The following IGBP1C variants were observed in gnomAD, a reference collection of about 807,000 sequenced individuals.
IGBP1C encodes immunoglobulin-binding protein 1 family member C.
chr17:58,678,485 C>T, the IGBP1C span, among the ~76,000 whole-genome samples: 3 of 152,084 alleles, frequency 2.0e-5, no homozygotes, highest in Admixed American at 2.0e-4. Flanking sequence ...CCACGGAACA[C>T]TATGCAGCCA....
chr17:58,684,176 C>T, the IGBP1C span, among the ~76,000 whole-genome samples: 1 of 150,998 alleles, frequency 6.6e-6, no homozygotes, highest in Non-Finnish European at 1.5e-5. Context: ...AAAATGCTTC[C>T]GCCCGGCATG....
the IGBP1C span, among the ~76,000 whole-genome samples, chr17:58,672,027 G>T: frequency 6.6e-6 from 1 of 152,070 alleles, no homozygotes; most frequent in African/African-American, 2.4e-5. Flanking sequence ...CAGGGGGTGG[G>T]TGGGAATGGT....
chr17:58,682,463 G>T, the IGBP1C span, among the ~76,000 whole-genome samples: 3 of 151,684 alleles, frequency 2.0e-5, no homozygotes, highest in African/African-American at 7.3e-5. Context: ...TTGCCATGTT[G>T]GCGAGGCTGG....
the IGBP1C span, chr17:58,660,938 C>A: frequency 9.9e-7 from 1 of 1,010,500 alleles, no homozygotes; most frequent in South Asian, 1.3e-5. Context: ...GTCTTTCTCT[C>A]CCAGGATCTT....
At chr17:58,669,253 G>C in the IGBP1C span, among the ~76,000 whole-genome samples, 1 of 151,966 alleles carries the variant, frequency 6.6e-6, no homozygotes, top group Non-Finnish European at 1.5e-5. Context: ...TCAGGAGGCT[G>C]AGGCAGAAGA....
At chr17:58,689,151 A>G in the IGBP1C span, among the ~76,000 whole-genome samples, 1 of 151,836 alleles carries the variant, frequency 6.6e-6, no homozygotes, top group African/African-American at 2.4e-5. Flanking sequence ...AGGATAGTCT[A>G]TCTCCTGATC....
At chr17:58,665,784 G>A in the IGBP1C span, among the ~76,000 whole-genome samples, 6 of 151,914 alleles carry the variant, frequency 3.9e-5, no homozygotes, top group Admixed American at 6.6e-5. Context: ...GGTGGCTCAC[G>A]CCTATAATCC....
the IGBP1C span, chr17:58,661,383 TCTC>T: frequency 9.1e-5 from 83 of 913,278 alleles, no homozygotes; most frequent in Middle Eastern, 2.1e-4. Flanking sequence ...GTGGAAGTAA[TCTC>T]CTCCAAATCT....
the IGBP1C span, among the ~76,000 whole-genome samples, chr17:58,675,841 T>C: frequency 6.6e-6 from 1 of 152,212 alleles, no homozygotes; most frequent in African/African-American, 2.4e-5. Flanking sequence ...TTCTGTCGCC[T>C]GGGCCTCCAA....
chr17:58,678,818 T>TATAATAATAATAATA, the IGBP1C span, among the ~76,000 whole-genome samples: 4,293 of 137,240 alleles, frequency 0.031, 94 homozygotes, highest in East Asian at 0.058. Context: ...GAACTTAAAG[T>TATAATAATAATAATA]ATAATAATAA....
chr17:58,687,664 T>C, the IGBP1C span, among the ~76,000 whole-genome samples: 1 of 151,974 alleles, frequency 6.6e-6, no homozygotes, highest in Non-Finnish European at 1.5e-5. Flanking sequence ...TCTATGTTCT[T>C]AGGCTAAAAA....
chr17:58,678,438 A>T, the IGBP1C span, among the ~76,000 whole-genome samples: 1 of 152,316 alleles, frequency 6.6e-6, no homozygotes, highest in Admixed American at 6.5e-5. Flanking sequence ...ATGTCCATCA[A>T]TGATAGAATG....
the IGBP1C span, among the ~76,000 whole-genome samples, chr17:58,691,172 T>A: frequency 6.6e-6 from 1 of 152,268 alleles, no homozygotes; most frequent in East Asian, 1.9e-4. Context: ...TTTTCTTTTA[T>A]CAGAATTGAT....
chr17:58,661,095 CCTT>C, the IGBP1C span: 3 of 967,292 alleles, frequency 3.1e-6, no homozygotes, highest in Non-Finnish European at 5.1e-6. Flanking sequence ...TGCTCCAACA[CCTT>C]CTTCTGCTTG....
chr17:58,665,675 G>A, the IGBP1C span, among the ~76,000 whole-genome samples: 2 of 151,890 alleles, frequency 1.3e-5, no homozygotes, highest in African/African-American at 4.8e-5. Context: ...TGATAGCAAG[G>A]TACAGCTTTA....
At chr17:58,686,935 G>A in the IGBP1C span, among the ~76,000 whole-genome samples, 3 of 147,154 alleles carry the variant, frequency 2.0e-5, no homozygotes, top group African/African-American at 7.6e-5. Context: ...GCGCAGGGGA[G>A]GGATCTCAGC....
chr17:58,671,218 T>C, the IGBP1C span, among the ~76,000 whole-genome samples: 26 of 152,334 alleles, frequency 1.7e-4, no homozygotes, highest in South Asian at 1.0e-3. Context: ...ATTATTGTAG[T>C]TTCATTTTGA....
At chr17:58,671,929 C>T in the IGBP1C span, among the ~76,000 whole-genome samples, 4 of 152,080 alleles carry the variant, frequency 2.6e-5, no homozygotes, top group Non-Finnish European at 4.4e-5. Flanking sequence ...TGCAGCACAG[C>T]GTATTTCCTC....
the IGBP1C span, among the ~76,000 whole-genome samples, chr17:58,666,289 G>C: frequency 6.7e-6 from 1 of 150,324 alleles, no homozygotes; most frequent in African/African-American, 2.4e-5. Context: ...TGGAGGCTGC[G>C]GTGAGCCGAG....
Sources: gnomAD v4.1 joint callset for allele counts (sites outside exome capture counted in the v4.1 genomes callset) on GRCh38, gnomAD v4.1.1 for gene constraint, MANE v1.5 for transcripts, NCBI Gene and HGNC (gene_info 2026-07-23, HGNC 2026-07-21) for gene names.